The following SYNJ2BP variants were observed in gnomAD, a reference collection of about 807,000 sequenced individuals.
SYNJ2BP encodes synaptojanin 2 binding protein, also known as synaptojanin-2-binding protein.
In SYNJ2BP, 10 loss-of-function variants were observed where a neutral mutation model predicts 16.9. The ratio of observed to expected loss-of-function variants is 0.59; its 90% CI spans 0.36 to 1.00. The LOEUF (loss-of-function observed/expected upper bound fraction) is 1.00, where lower values mean the gene tolerates loss of function less well. SYNJ2BP is among the 50% of genes least tolerant of loss of function. SYNJ2BP has a pLI of 0.01. For missense variants in SYNJ2BP, 162 were observed against 186.7 expected, an observed-to-expected ratio of 0.87 and a Z score of 0.77; for synonymous variants, 54 against 68.4, an observed-to-expected ratio of 0.79 and a Z score of 1.04.
At chr14:70,397,503 G>T (rs11624147) in intron 1 of SYNJ2BP, among the ~76,000 whole-genome samples, 8,148 of 152,276 alleles carry the variant, frequency 0.054, 279 homozygotes, top group Middle Eastern at 0.11. Flanking sequence ...TCTGGCAGGA[G>T]ACCTCTGTGT....
intron 1 of SYNJ2BP, among the ~76,000 whole-genome samples, chr14:70,398,088 A>G (rs1463368170): frequency 1.2e-5 from 1 of 86,512 alleles, no homozygotes; most frequent in Non-Finnish European, 3.0e-5. Flanking sequence ...CTCAACAAGT[A>G]CTCAGTTCTC....
At chr14:70,374,994 G>A (rs1157619773) in intron 3 of SYNJ2BP, among the ~76,000 whole-genome samples, 1 of 151,212 alleles carries the variant, frequency 6.6e-6, no homozygotes, top group East Asian at 1.9e-4. Flanking sequence ...TGTTGCCCAG[G>A]CTGGTCTTGA....
chr14:70,407,383 T>C (rs1888368877), intron 1 of SYNJ2BP, among the ~76,000 whole-genome samples: 1 of 150,804 alleles, frequency 6.6e-6, no homozygotes, highest in Non-Finnish European at 1.5e-5. Flanking sequence ...TGAGCCGAGA[T>C]TGTGCCACTG....
intron 1 of SYNJ2BP, among the ~76,000 whole-genome samples, chr14:70,414,298 A>C (rs1427574324): frequency 6.6e-6 from 1 of 152,250 alleles, no homozygotes; most frequent in African/African-American, 2.4e-5. Context: ...TATAATTAAT[A>C]CATGGAAATG....
Position 70,412,003 on chromosome 14 carries a change from T to C in SYNJ2BP, c.64+4897A>G, listed in dbSNP as rs75084208. On this transcript the variant is annotated intron_variant, in intron 1 of 3. Coordinates refer to ENST00000256366, the MANE Select transcript of SYNJ2BP (RefSeq NM_018373.3). ...TCTATTTGATATGTGAAGAAAGGAATAGATCAGAAAACTGCTAGCAACAGT... is the reference window on the plus strand; with the variant it reads ...TCTATTTGATATGTGAAGAAAGGAACAGATCAGAAAACTGCTAGCAACAGT... 3.0e-3 allele frequency among the ~76,000 whole-genome samples: 452 copies of C among 152,324 alleles called. 1 individual carries two copies. The highest frequency in any genetic ancestry group is 8.2e-3 in the Admixed American group (126 of 15,302).
At position 70,369,401 on chromosome 14, in the gene SYNJ2BP, C is replaced by G. The variant is rs980310272; in HGVS notation, c.*3590G>C. The G allele has an allele frequency of 2.0e-4, 31 of 152,230 alleles. No homozygotes were observed. Among genetic ancestry groups the G allele is most frequent in the African/African-American group, 6.8e-4 (28 of 41,452 alleles). The allele number at this position is 152,230 out of a possible 1,614,324, so 9.4% of individuals were successfully genotyped here. ...TGAGCCACCATGCCCAGCCTATGAA[C>G]TTGCTTTTCTAACAAGTTCCCCAGT... is the stretch of plus-strand genomic sequence containing the variant. On this transcript the variant is annotated 3_prime_UTR_variant, in exon 4 of 4. Coordinates refer to ENST00000256366, the MANE Select transcript of SYNJ2BP (RefSeq NM_018373.3).
At chr14:70,412,885 C>A (rs1310383486) in intron 1 of SYNJ2BP, among the ~76,000 whole-genome samples, 2 of 151,792 alleles carry the variant, frequency 1.3e-5, no homozygotes, top group African/African-American at 2.4e-5. Flanking sequence ...TGTTGCAGTG[C>A]AAAAAAACAT....
At chr14:70,404,587 T>A (rs1415548887) in intron 1 of SYNJ2BP, among the ~76,000 whole-genome samples, 1 of 152,222 alleles carries the variant, frequency 6.6e-6, no homozygotes, top group East Asian at 1.9e-4. Context: ...AATGGTTCTA[T>A]CTACAAATAC....
intron 1 of SYNJ2BP, among the ~76,000 whole-genome samples, chr14:70,391,756 C>T (rs1887985220): frequency 6.6e-6 from 1 of 152,038 alleles, no homozygotes; most frequent in African/African-American, 2.4e-5. Flanking sequence ...GAAATTTTAC[C>T]GAGATTTACC....
intron 2 of SYNJ2BP, among the ~76,000 whole-genome samples, chr14:70,382,324 A>C (rs1166890632): frequency 6.6e-6 from 1 of 152,242 alleles, no homozygotes; most frequent in Non-Finnish European, 1.5e-5. Context: ...TCACATATAG[A>C]AAAGTATTGT....
At chr14:70,387,756 G>A (rs1228923748) in intron 2 of SYNJ2BP, among the ~76,000 whole-genome samples, 2 of 151,722 alleles carry the variant, frequency 1.3e-5, no homozygotes, top group African/African-American at 2.4e-5. Flanking sequence ...GCTTGAACCC[G>A]GGAGGCAGAG....
At position 70,369,247 on chromosome 14, in the gene SYNJ2BP, A is replaced by C. The variant is rs6573957; in HGVS notation, c.*3744T>G. 132,556 of 152,228 alleles carry C rather than the reference A, an allele frequency of 0.87. 57,784 individuals carry two copies. Among genetic ancestry groups the C allele is most frequent in the East Asian group, 0.93 (4,820 of 5,168 alleles). 9.4% of individuals were successfully genotyped at this position (152,228 alleles called of 1,614,324 possible). ...CCTCCCGTGTAGCTGGGCCTACAGG[A>C]ATGCACCACTAATTTGTTTGACTTT... On this transcript the variant is annotated 3_prime_UTR_variant, in exon 4 of 4. Coordinates refer to ENST00000256366, the MANE Select transcript of SYNJ2BP (RefSeq NM_018373.3).
At chr14:70,389,895 T>C (rs1887942940) in intron 1 of SYNJ2BP, among the ~76,000 whole-genome samples, 1 of 152,226 alleles carries the variant, frequency 6.6e-6, no homozygotes, top group Non-Finnish European at 1.5e-5. Flanking sequence ...TTTATGAGTT[T>C]AACTATTTTA....
At chr14:70,400,844 G>A (rs559534500) in intron 1 of SYNJ2BP, among the ~76,000 whole-genome samples, 1 of 152,242 alleles carries the variant, frequency 6.6e-6, no homozygotes, top group South Asian at 2.1e-4. Context: ...TTACTTAGAT[G>A]CTGATAAGGT....
intron 1 of SYNJ2BP, among the ~76,000 whole-genome samples, chr14:70,409,345 A>T (rs929195455): frequency 6.6e-6 from 1 of 152,242 alleles, no homozygotes; most frequent in African/African-American, 2.4e-5. Context: ...TTTACTTTTC[A>T]GTCTTCTGAA....
rs774925382 is a variant in SYNJ2BP, at chr14:70,375,743, A to G, written c.230T>C (p.Leu77Pro). The G allele has an allele frequency of 1.9e-6, 3 of 1,614,160 alleles. No homozygotes were observed. The Admixed American group carries it at 5.0e-5, about 27-fold the overall frequency. ...AAAGAGGTCTACAGCATCCTGGTGC[A>G]GCAGGTTCTTTAGGTCTTGGCCATT... ...SVNGQDLKNL[L>P]HQDAVDLFRN... Residue 77 changes from leucine (L) to proline (P), a missense_variant, in exon 3 of 4, where the codon CTG (leucine) becomes CCG (proline). Physicochemically the swap from Leu to Pro is moderately conservative, Grantham distance 98. Transcript: ENST00000256366.
At chr14:70,416,818 G>A (rs1346598789) in intron 1 of SYNJ2BP, 82 bp downstream of exon 1, 3 of 1,604,592 alleles carry the variant, frequency 1.9e-6, no homozygotes, top group African/African-American at 2.7e-5. Flanking sequence ...CCGAGGCCAG[G>A]TGAATCCGGC....
At chr14:70,415,182 A>AAG (rs1888576295) in intron 1 of SYNJ2BP, among the ~76,000 whole-genome samples, 1 of 142,394 alleles carries the variant, frequency 7.0e-6, no homozygotes, top group South Asian at 2.2e-4. Context: ...CTAAAAAAAA[A>AAG]AAAATATTAA....
rs922854294 is a variant in SYNJ2BP at position 70,372,145 on chromosome 14, T to C, written c.*846A>G. 1.3e-5 allele frequency: 2 copies of C among 152,062 alleles called. No homozygotes were observed. Among genetic ancestry groups the C allele is most frequent in the African/African-American group, 4.8e-5 (2 of 41,344 alleles). The allele number at this position is 152,062 out of a possible 1,614,324, so 9.4% of individuals were successfully genotyped here. Reference sequence around the variant, plus strand: ...TTGCTTCAGTTATTACATTTTTTTCTATTTTTTTTTTAAATAGAGATGAGG... The same window carrying C: ...TTGCTTCAGTTATTACATTTTTTTCCATTTTTTTTTTAAATAGAGATGAGG... On this transcript the variant is annotated 3_prime_UTR_variant, in exon 4 of 4. Transcript: ENST00000256366.
Sources: gnomAD v4.1 joint callset for allele counts (sites outside exome capture counted in the v4.1 genomes callset) on GRCh38, gnomAD v4.1.1 for gene constraint, MANE v1.5 for transcripts, NCBI Gene and HGNC (gene_info 2026-07-23, HGNC 2026-07-21) for gene names.